The following DLG2 variants were observed in gnomAD, a reference collection of about 807,000 sequenced individuals.
The protein encoded by DLG2 is discs large MAGUK scaffold protein 2.
Under a neutral mutation model 132.5 loss-of-function variants are expected in DLG2, and 45 were observed. That is an observed-to-expected ratio of 0.34 (90% CI 0.27 to 0.44). DLG2 has a LOEUF of 0.44. DLG2 is among the 20% of genes least tolerant of loss of function. The pLI, the probability that DLG2 is intolerant of heterozygous loss-of-function variation, is 1.00. For missense variants in DLG2, 1,045 were observed against 1,196.9 expected (o/e 0.87, Z 1.87); for synonymous variants, 424 against 419.6 (o/e 1.01, Z -0.13).
chr11:85,123,505 A>C (rs1252122037), intron 5 of DLG2, among the ~76,000 whole-genome samples: 2 of 152,206 alleles, frequency 1.3e-5, no homozygotes, highest in African/African-American at 4.8e-5. Flanking sequence ...GGAATAAATA[A>C]AAATCAAGGT....
chr11:85,503,158 A>T (rs1231417296), intron 3 of DLG2, among the ~76,000 whole-genome samples: 2 of 152,128 alleles, frequency 1.3e-5, no homozygotes, highest in Non-Finnish European at 2.9e-5. Flanking sequence ...TACAGAGGTG[A>T]TTAATTATTA....
At chr11:84,398,822 C>T (rs2098819719) in intron 7 of DLG2, among the ~76,000 whole-genome samples, 1 of 152,138 alleles carries the variant, frequency 6.6e-6, no homozygotes, top group Admixed American at 6.5e-5. Context: ...TATTCTGGCT[C>T]AGCCCAATTT....
At chr11:84,378,938 C>T (rs1432057710) in intron 7 of DLG2, among the ~76,000 whole-genome samples, 1 of 151,716 alleles carries the variant, frequency 6.6e-6, no homozygotes, top group African/African-American at 2.4e-5. Flanking sequence ...GAGGAAGACT[C>T]CATCTCAAAA....
At chr11:85,554,115 AG>A (rs2076810791) in intron 3 of DLG2, among the ~76,000 whole-genome samples, 1 of 151,438 alleles carries the variant, frequency 6.6e-6, no homozygotes, top group East Asian at 1.9e-4. Flanking sequence ...AGTTTTTAAA[AG>A]GACAATAGAG....
intron 10 of DLG2, among the ~76,000 whole-genome samples, chr11:84,075,446 T>C (rs745448225): frequency 1.3e-5 from 2 of 152,214 alleles, no homozygotes; most frequent in African/African-American, 4.8e-5. Flanking sequence ...AAATGAATTA[T>C]TCAATGAAGG....
intron 3 of DLG2, among the ~76,000 whole-genome samples, chr11:85,510,750 A>C (rs941782037): frequency 2.6e-5 from 4 of 152,222 alleles, no homozygotes; most frequent in Non-Finnish European, 5.9e-5. Flanking sequence ...GTGGAGAAAT[A>C]GGAACACTTT....
chr11:85,288,073 T>C (rs2078669952), intron 3 of DLG2, among the ~76,000 whole-genome samples: 1 of 152,096 alleles, frequency 6.6e-6, no homozygotes, highest in Non-Finnish European at 1.5e-5. Flanking sequence ...AAGTTAATGG[T>C]AAGGATCTAT....
At chr11:84,998,075 T>G (rs1355692912) in intron 6 of DLG2, among the ~76,000 whole-genome samples, 1 of 152,200 alleles carries the variant, frequency 6.6e-6, no homozygotes, top group Non-Finnish European at 1.5e-5. Flanking sequence ...TCGCATATGG[T>G]ACCTCATATT....
At chr11:84,409,216 G>A (rs1176486351) in intron 7 of DLG2, among the ~76,000 whole-genome samples, 1 of 152,188 alleles carries the variant, frequency 6.6e-6, no homozygotes, top group African/African-American at 2.4e-5. Flanking sequence ...ACTAAGCAGA[G>A]TGCATGATTA....
intron 6 of DLG2, among the ~76,000 whole-genome samples, chr11:84,633,469 A>G (rs534725037): frequency 6.6e-6 from 1 of 152,064 alleles, no homozygotes; most frequent in Non-Finnish European, 1.5e-5. Context: ...TTCATTGAGA[A>G]TCAACTCGTG....
intron 7 of DLG2, among the ~76,000 whole-genome samples, chr11:84,255,758 A>T (rs1177241799): frequency 6.6e-6 from 1 of 152,028 alleles, no homozygotes; most frequent in East Asian, 1.9e-4. Flanking sequence ...AAAAATCTAG[A>T]ACAAAATCTT....
At chr11:84,059,049 T>C (rs1436496848) in intron 11 of DLG2, among the ~76,000 whole-genome samples, 3 of 152,140 alleles carry the variant, frequency 2.0e-5, no homozygotes, top group Non-Finnish European at 4.4e-5. Flanking sequence ...CCAGTAAGAT[T>C]AAAAATTTAT....
chr11:84,977,670 A>G (rs557307668), intron 6 of DLG2, among the ~76,000 whole-genome samples: 1 of 152,248 alleles, frequency 6.6e-6, no homozygotes, highest in East Asian at 1.9e-4. Context: ...AATAGCATCA[A>G]TTGTGTCCTT....
At chr11:84,591,228 T>TGTGTGTGTGTGC (rs1259032367) in intron 6 of DLG2, among the ~76,000 whole-genome samples, 1 of 149,382 alleles carries the variant, frequency 6.7e-6, no homozygotes, top group African/African-American at 2.5e-5. Flanking sequence ...TCTCTCTGTG[T>TGTGTGTGTGTGC]GTGTGTGTGT....
chr11:84,436,884 A>C (rs558385695), intron 7 of DLG2, among the ~76,000 whole-genome samples: 1 of 152,290 alleles, frequency 6.6e-6, no homozygotes, highest in South Asian at 2.1e-4. Flanking sequence ...ATAAGATACC[A>C]AGCACCCCTG....
At chr11:84,621,212 T>C in intron 6 of DLG2, among the ~76,000 whole-genome samples, 1 of 152,244 alleles carries the variant, frequency 6.6e-6, no homozygotes, top group Middle Eastern at 3.4e-3. Flanking sequence ...TCATTTCCAC[T>C]CATATATTTT....
intron 3 of DLG2, among the ~76,000 whole-genome samples, chr11:85,338,363 C>T (rs2082265525): frequency 6.6e-6 from 1 of 152,094 alleles, no homozygotes; most frequent in Non-Finnish European, 1.5e-5. Context: ...TCACTTTGTC[C>T]CCAGCTTGCA....
chr11:84,534,252 G>A (rs1332448372), intron 7 of DLG2, among the ~76,000 whole-genome samples: 1 of 152,178 alleles, frequency 6.6e-6, no homozygotes, highest in African/African-American at 2.4e-5. Context: ...GAGAGCATCT[G>A]AGCAAAACCT....
chr11:85,405,727 A>T (rs770606745), intron 3 of DLG2, among the ~76,000 whole-genome samples: 6 of 152,000 alleles, frequency 3.9e-5, no homozygotes, highest in Non-Finnish European at 8.8e-5. Context: ...AGGTTCTAAC[A>T]CAATTTACCT....
Sources: gnomAD v4.1 joint callset for allele counts (sites outside exome capture counted in the v4.1 genomes callset) on GRCh38, gnomAD v4.1.1 for gene constraint, MANE v1.5 for transcripts, NCBI Gene and HGNC (gene_info 2026-07-23, HGNC 2026-07-21) for gene names.